FN1: variants seen among roughly 807,000 people sequenced by gnomAD.
The protein encoded by FN1 is fibronectin 1.
In FN1, 106 loss-of-function variants were observed where a neutral mutation model predicts 297.3. That is an observed-to-expected ratio of 0.36 (90% CI 0.30 to 0.42). FN1 has a LOEUF of 0.42. Ranked by LOEUF, FN1 falls within the 10% of genes least tolerant of loss-of-function variation. The probability of loss-of-function intolerance (pLI) is 1.00; values close to 1 mark genes in which losing one functional copy is unlikely to be tolerated. For missense variants in FN1, 2,690 were observed against 3,124.9 expected, an observed-to-expected ratio of 0.86 and a Z score of 3.32; for synonymous variants, 1,149 against 1,152.6, an observed-to-expected ratio of 1.00 and a Z score of 0.06.
chr2:215,367,769 C>A, intron 42 of FN1, 94 bp downstream of exon 42: 6 of 1,239,006 alleles, frequency 4.8e-6, no homozygotes, highest in Non-Finnish European at 7.1e-6. Flanking sequence ...TTGGAAGAAC[C>A]TGTGTCTTCC....
rs146694603 is a variant in FN1 at position 215,394,547 on chromosome 2, G to C, written c.3777C>G (p.Ile1259Met). 5.6e-6 allele frequency: 9 copies of C among 1,613,542 alleles called. No homozygotes were observed. Among genetic ancestry groups the C allele is most frequent in the Non-Finnish European group, 7.6e-6 (9 of 1,179,672 alleles). Reference protein sequence around the residue: ...TVKDDKESVPISDTIIPEVPQ... With the variant: ...TVKDDKESVPMSDTIIPEVPQ... ...TATTACCTGGGATGATGGTATCAGAGATAGGGACACTTTCCTTGTCATCCT... is the reference window on the plus strand; with the variant it reads ...TATTACCTGGGATGATGGTATCAGACATAGGGACACTTTCCTTGTCATCCT... Residue 1259 changes from isoleucine (I) to methionine (M), a missense_variant, in exon 24 of 46, where the codon ATC becomes ATG. Physicochemically the swap from Ile to Met is conservative, Grantham distance 10. This residue lies in a region of FN1 where 1,743 missense variants were observed against 1,945.2 expected (regional missense o/e 0.90). Coordinates refer to ENST00000354785, the MANE Select transcript of FN1 (RefSeq NM_212482.4).
At chr2:215,387,063 G>A (rs184941976) in intron 27 of FN1, 105 bp from the exon 28 acceptor site, 48 of 1,006,044 alleles carry the variant, frequency 4.8e-5, no homozygotes, top group South Asian at 3.6e-4. Flanking sequence ...CCAACATTTC[G>A]TTCCTGTCTC....
intron 20 of FN1, among the ~76,000 whole-genome samples, chr2:215,402,927 T>C (rs1348099968): frequency 6.6e-6 from 1 of 152,224 alleles, no homozygotes; most frequent in African/African-American, 2.4e-5. Context: ...TTAAAAATGC[T>C]TTTTCTTTTA....
At chr2:215,421,073 T>G (rs990677162) in intron 10 of FN1, 3 of 413,930 alleles carry the variant, frequency 7.2e-6, no homozygotes, top group Non-Finnish European at 1.4e-5. Context: ...TACACTTTCC[T>G]GTGAGAAGCC....
In FN1 at chr2:215,397,758, C is replaced by T; in HGVS notation, c.3439G>A (p.Val1147Ile). 1 of 1,614,054 alleles carries T rather than the reference C, an allele frequency of 6.2e-7. No individual in the cohort carries two copies. The highest frequency in any genetic ancestry group is 8.5e-7 in the Non-Finnish European group (1 of 1,179,908). ...SIVVSGLTPG[V>I]EYVYTIQVLR... Reference sequence around the variant, plus strand: ...ACTTGGATGGTGTAGACGTATTCTACTCCTGGAGTCAAGCCGGACACAACG... The same window carrying T: ...ACTTGGATGGTGTAGACGTATTCTATTCCTGGAGTCAAGCCGGACACAACG... Residue 1147 changes from valine to isoleucine, a missense_variant, in exon 22 of 46, where the codon GTA (valine) becomes ATA (isoleucine). Val to Ile is a conservative substitution (Grantham distance 29). Coordinates refer to ENST00000354785, the MANE Select transcript of FN1 (RefSeq NM_212482.4).
At chr2:215,399,375 T>C in intron 20 of FN1, 24 bp from the exon 21 acceptor site, 1 of 1,500,868 alleles carries the variant, frequency 6.7e-7, no homozygotes, top group Non-Finnish European at 9.3e-7. Flanking sequence ...TCAATGCACA[T>C]ATTCAAAACT....
At chr2:215,371,368 T>G (rs1360206583) in intron 40 of FN1, among the ~76,000 whole-genome samples, 1 of 152,012 alleles carries the variant, frequency 6.6e-6, no homozygotes, top group African/African-American at 2.4e-5. Context: ...GCCTGTTTTT[T>G]TTTTTCTTTA....
At position 215,361,971 on chromosome 2, in the gene FN1, T is replaced by G. The variant is rs2053548013; in HGVS notation, c.7360A>C (p.Thr2454Pro). ...YSQRYHQRTN[T>P]NVNCPIECFM... Reference sequence around the variant, plus strand: ...ACTTGTGCTGCTAATGCACTTACAGTGTTTGTTCTCTGATGGTATCTCTGA... The same window carrying G: ...ACTTGTGCTGCTAATGCACTTACAGGGTTTGTTCTCTGATGGTATCTCTGA... The change falls in exon 45 of 46, where the codon ACT becomes CCT. Residue 2454 changes from threonine (T) to proline (P), a missense_variant and splice_region_variant. Physicochemically the swap from Thr to Pro is conservative, Grantham distance 38 (BLOSUM62 -1). This residue lies in a region of FN1 where 1,743 missense variants were observed against 1,945.2 expected (regional missense o/e 0.90). Transcript: ENST00000354785. The G allele has an allele frequency of 2.5e-6, 4 of 1,613,008 alleles. No individual in the cohort carries two copies. The highest frequency in any genetic ancestry group is 3.4e-6 in the Non-Finnish European group (4 of 1,179,242).
intron 42 of FN1, 106 bp downstream of exon 42, chr2:215,367,757 G>A (rs2054924031): frequency 8.9e-7 from 1 of 1,129,744 alleles, no homozygotes; most frequent in Admixed American, 1.8e-5. Flanking sequence ...TTTGCTTCAT[G>A]TTTGGAAGAA....
At chr2:215,420,926 C>G (rs1325180267) in intron 10 of FN1, 125 bp from the exon 11 acceptor site, 12 of 938,586 alleles carry the variant, frequency 1.3e-5, no homozygotes, top group Non-Finnish European at 1.7e-5. Context: ...ACTAAAATAA[C>G]TTTTCTACAA....
At chr2:215,383,877 G>T in intron 30 of FN1, 143 bp downstream of exon 30, 1 of 888,306 alleles carries the variant, frequency 1.1e-6, no homozygotes, top group Non-Finnish European at 1.8e-6. Context: ...TCAAAACTCT[G>T]TTCGCTGCAG....
intron 20 of FN1, among the ~76,000 whole-genome samples, chr2:215,402,243 G>T (rs1450175364): frequency 1.3e-5 from 2 of 152,132 alleles, no homozygotes; most frequent in Admixed American, 6.6e-5. Flanking sequence ...GATGCTCTCT[G>T]CCTGGGAAGG....
Position 215,372,223 on chromosome 2 carries a change from G to T in FN1, c.6400C>A (p.Gln2134Lys). The change falls in exon 40 of 46, where the codon CAA becomes AAA. Residue 2134 changes from glutamine to lysine, a missense_variant. Physicochemically the swap from Gln to Lys is moderately conservative, Grantham distance 53. Transcript: ENST00000354785. Reference protein sequence around the residue: ...GIQLPGTSGQQPSVGQQMIFE... With the variant: ...GIQLPGTSGQKPSVGQQMIFE... ...ATCATTTGTTGCCCAACACTGGGTT[G>T]CTGACCAGAAGTGCCAGGAAGCTGA... is the stretch of plus-strand genomic sequence containing the variant. 6.2e-7 allele frequency: 1 copy of T among 1,614,204 alleles called. No homozygotes were observed.
At chr2:215,423,711 A>T (rs1411527075) in intron 8 of FN1, among the ~76,000 whole-genome samples, 185 bp from the exon 9 acceptor site, 1 of 151,866 alleles carries the variant, frequency 6.6e-6, no homozygotes, top group Non-Finnish European at 1.5e-5. Flanking sequence ...CACCTTCAAA[A>T]CAGGTTTAAA....
chr2:215,392,886 T>C (rs970656962), intron 25 of FN1, 45 bp downstream of exon 25: 2 of 1,607,156 alleles, frequency 1.2e-6, no homozygotes, highest in South Asian at 2.2e-5. Context: ...GGTGGCAGCA[T>C]GCAACACCAT....
In FN1 at chr2:215,419,925, T is replaced by C. The variant is rs77018268; in HGVS notation, c.1676-540A>G. The stretch of plus-strand genomic sequence containing the variant: ...ACAAACGGATGTTATCAGTTTGTTT[T>C]CTCAGTGAGCAACCTGTCTCTTTTG... On this transcript the variant is annotated intron_variant, in intron 11 of 45. Transcript: ENST00000354785. Among the ~76,000 whole-genome samples, 1,509 of 152,320 alleles carry C rather than the reference T, an allele frequency of 9.9e-3. 30 individuals are homozygous for C. The highest frequency in any genetic ancestry group is 0.034 in the African/African-American group (1,418 of 41,574).
intron 42 of FN1, 133 bp from the exon 43 acceptor site, chr2:215,365,763 C>A (rs895314713): frequency 3.2e-6 from 2 of 624,484 alleles, no homozygotes; most frequent in Admixed American, 6.2e-5. Flanking sequence ...AAGATAAAAA[C>A]CCCTATAATG....
At chr2:215,361,920 A>G in intron 45 of FN1, 49 bp downstream of exon 45, 1 of 1,608,046 alleles carries the variant, frequency 6.2e-7, no homozygotes. Context: ...ACCTGTAGAA[A>G]GAGACTGTCT....
chr2:215,381,927 T>C lies in FN1; in HGVS notation c.5164+285A>G, dbSNP rs142680157. On this transcript the variant is annotated intron_variant, in intron 32 of 45. Coordinates refer to ENST00000354785, the MANE Select transcript of FN1 (RefSeq NM_212482.4). Reference sequence around the variant, plus strand: ...AGAAAAGACGGTCTAGGAAAATTTTTTGTAGATTTGCTATAGGCAAATAAG... The same window carrying C: ...AGAAAAGACGGTCTAGGAAAATTTTCTGTAGATTTGCTATAGGCAAATAAG... The C allele has an allele frequency of 1.2e-4, 49 of 393,330 alleles. No individual in the cohort carries two copies. The Admixed American group carries it at 1.3e-3, about 10-fold the overall frequency. 24.4% of individuals were successfully genotyped at this position (393,330 alleles called of 1,614,324 possible).
Sources: gnomAD v4.1 joint callset for allele counts (sites outside exome capture counted in the v4.1 genomes callset) on GRCh38, gnomAD v4.1.1 for gene constraint, gnomAD v4.1.1 regional missense constraint, MANE v1.5 for transcripts, NCBI Gene and HGNC (gene_info 2026-07-23, HGNC 2026-07-21) for gene names.